CEP95: variants seen among roughly 807,000 people sequenced by gnomAD.
CEP95 encodes the protein centrosomal protein of 95 kDa.
Under a neutral mutation model 111.2 loss-of-function variants are expected in CEP95, and 98 were observed. The observed-to-expected ratio is 0.88, with a 90% CI of 0.75 to 1.04. CEP95 has a LOEUF of 1.04. Among genes scored for constraint, CEP95 ranks in the 50% least tolerant of loss-of-function variants. CEP95 has a pLI of 0.00. For synonymous variants in CEP95, 323 were observed against 327.1 expected, an observed-to-expected ratio of 0.99 and a Z score of 0.14; for missense variants, 1,027 against 977.2, an observed-to-expected ratio of 1.05 and a Z score of -0.68.
intron 16 of CEP95, chr17:64,534,299 G>A: frequency 3.1e-6 from 1 of 322,498 alleles, no homozygotes; most frequent in South Asian, 4.9e-5. Flanking sequence ...TGGCATCTGG[G>A]CCAGCCTTGT....
intron 8 of CEP95, among the ~76,000 whole-genome samples, chr17:64,524,141 G>T (rs1370910127): frequency 6.6e-6 from 1 of 152,164 alleles, no homozygotes; most frequent in Non-Finnish European, 1.5e-5. Context: ...GGGAATCATA[G>T]TGGGGGTTTT....
At chr17:64,532,716 A>G in intron 14 of CEP95, 123 bp from the exon 15 acceptor site, 1 of 1,457,680 alleles carries the variant, frequency 6.9e-7, no homozygotes, top group Non-Finnish European at 9.0e-7. Flanking sequence ...TTATAAGTAC[A>G]TTTAGAATTG....
In CEP95 at chr17:64,507,021, C is replaced by T. The variant is rs1403830613; in HGVS notation, c.-77C>T. The T allele has an allele frequency of 9.8e-6, 15 of 1,525,222 alleles. No individual in the cohort carries two copies. The highest frequency in any genetic ancestry group is 2.4e-5 in the South Asian group (2 of 83,528). 94.5% of individuals were successfully genotyped at this position (1,525,222 alleles called of 1,614,324 possible). ...GTGCGTCCGCGCCCCAGTGTCGGGTCTGCGTGGATCGGTCCTTCCAGGACA... is the reference window on the plus strand; with the variant it reads ...GTGCGTCCGCGCCCCAGTGTCGGGTTTGCGTGGATCGGTCCTTCCAGGACA... On this transcript the variant is annotated 5_prime_UTR_variant, in exon 1 of 20. Coordinates refer to ENST00000556440, the MANE Select transcript of CEP95 (RefSeq NM_138363.3).
intron 2 of CEP95, among the ~76,000 whole-genome samples, 164 bp downstream of exon 2, chr17:64,508,884 A>G (rs1344190986): frequency 1.3e-5 from 2 of 150,866 alleles, no homozygotes; most frequent in Admixed American, 6.6e-5. Flanking sequence ...ATATTAAAAT[A>G]AATATTGTAT....
intron 4 of CEP95, among the ~76,000 whole-genome samples, chr17:64,516,300 G>A (rs1420329606): frequency 1.3e-5 from 2 of 152,096 alleles, no homozygotes; most frequent in African/African-American, 4.8e-5. Flanking sequence ...AAGACTGATG[G>A]TCTTAAGAAA....
chr17:64,534,694 AG>A lies in CEP95; in HGVS notation c.2028del (p.Gln676HisfsTer6). On this transcript the variant is annotated frameshift_variant, in exon 17 of 20. Coordinates refer to ENST00000556440, the MANE Select transcript of CEP95 (RefSeq NM_138363.3). LOFTEE classifies it high-confidence loss of function. ...AAATATTATGATGATTATAGAGTTCAGTTGTGTGCAAAAATGATGAGAATGA... is the reference window on the plus strand; with the variant it reads ...AAATATTATGATGATTATAGAGTTCATTGTGTGCAAAAATGATGAGAATGA... ...ARKYYDDYRV[Q>X]LCAKMMRMRT... 6.2e-7 allele frequency: 1 copy of A among 1,613,168 alleles called. No homozygotes were observed. Among genetic ancestry groups the A allele is most frequent in the Non-Finnish European group, 8.5e-7 (1 of 1,179,464 alleles).
Position 64,507,080 on chromosome 17 carries a change from G to A in CEP95, c.-18G>A, listed in dbSNP as rs1555673152. 6.4e-7 allele frequency: 1 copy of A among 1,550,802 alleles called. No homozygotes were observed. Among genetic ancestry groups the A allele is most frequent in the East Asian group, 2.4e-5 (1 of 40,912 alleles). ...TTCCCGGCCGCGTCGGAGTCCGGCG[G>A]CGACCTGCCTCTGAAACATGGCAGG... On this transcript the variant is annotated 5_prime_UTR_variant, in exon 1 of 20. Coordinates refer to ENST00000556440, the MANE Select transcript of CEP95 (RefSeq NM_138363.3).
chr17:64,519,228 T>A, intron 5 of CEP95, 93 bp from the exon 6 acceptor site: 2 of 753,506 alleles, frequency 2.7e-6, no homozygotes, highest in Admixed American at 4.6e-5. Flanking sequence ...GGGAGAGTCT[T>A]TTCCTTTTTC....
chr17:64,506,820 G>A, upstream of CEP95: 1 of 581,870 alleles, frequency 1.7e-6, no homozygotes, highest in Admixed American at 3.0e-5. Context: ...CGTCCGACCC[G>A]CGTGTCTGAT....
At chr17:64,534,025 G>A (rs9897203) in intron 16 of CEP95, 6,695 of 152,586 alleles carry the variant, frequency 0.044, 205 homozygotes, top group African/African-American at 0.091. Flanking sequence ...TTGCCTGAGT[G>A]TGGAGTAGAG....
intron 8 of CEP95, among the ~76,000 whole-genome samples, chr17:64,524,151 T>G (rs77296676): frequency 0.027 from 4,134 of 152,316 alleles, 75 homozygotes; most frequent in Non-Finnish European, 0.042. Context: ...GTGGGGGTTT[T>G]AGAGATATTT....
intron 11 of CEP95, 130 bp downstream of exon 11, chr17:64,527,394 C>G: frequency 1.6e-6 from 1 of 621,136 alleles, no homozygotes; most frequent in Non-Finnish European, 2.4e-6. Context: ...AAAGTAATAT[C>G]AAACACCTGG....
At chr17:64,536,048 A>C (rs1226624683) in intron 17 of CEP95, 3 of 152,280 alleles carry the variant, frequency 2.0e-5, no homozygotes, top group Non-Finnish European at 4.4e-5. Context: ...GTGACTGCTA[A>C]GGATGGGACA....
intron 4 of CEP95, chr17:64,516,088 A>G (rs2039126339): frequency 6.6e-6 from 1 of 152,198 alleles, no homozygotes; most frequent in Non-Finnish European, 1.5e-5. Context: ...ATGTTATTGA[A>G]ATGTTGCTTG....
In CEP95 at chr17:64,507,078, C is replaced by A. The variant is rs1380434599; in HGVS notation, c.-20C>A. The A allele has an allele frequency of 2.6e-6, 4 of 1,550,634 alleles. No homozygotes were observed. In the Admixed American group the frequency reaches 7.8e-5, roughly 30 times the overall value. ...CCTTCCCGGCCGCGTCGGAGTCCGGCGGCGACCTGCCTCTGAAACATGGCA... is the reference window on the plus strand; with the variant it reads ...CCTTCCCGGCCGCGTCGGAGTCCGGAGGCGACCTGCCTCTGAAACATGGCA... On this transcript the variant is annotated 5_prime_UTR_variant, in exon 1 of 20. Coordinates refer to ENST00000556440, the MANE Select transcript of CEP95 (RefSeq NM_138363.3).
At position 64,537,911 on chromosome 17, in the gene CEP95, T is replaced by G; in HGVS notation, c.*132T>G. 1 of 461,728 alleles carries G rather than the reference T, an allele frequency of 2.2e-6. No homozygotes were observed. Among genetic ancestry groups the G allele is most frequent in the Non-Finnish European group, 3.6e-6 (1 of 280,426 alleles). 28.6% of individuals were successfully genotyped at this position (461,728 alleles called of 1,614,324 possible). On this transcript the variant is annotated 3_prime_UTR_variant, in exon 20 of 20. Transcript: ENST00000556440. ...TTACCTGTATTTTCATTCCAGTACT[T>G]TTTATGATTTTTTAAATAAAAATTG...
At chr17:64,534,889 C>A in intron 17 of CEP95, 152 bp downstream of exon 17, 1 of 797,570 alleles carries the variant, frequency 1.3e-6, no homozygotes, top group Non-Finnish European at 2.1e-6. Flanking sequence ...CTTGGCCACA[C>A]TTCATTTTCT....
At chr17:64,525,637 A>G in intron 8 of CEP95, 133 bp from the exon 9 acceptor site, 2 of 580,258 alleles carry the variant, frequency 3.4e-6, no homozygotes, top group Non-Finnish European at 6.0e-6. Context: ...GGGTCTTTTG[A>G]CAAATGCACT....
intron 4 of CEP95, chr17:64,515,657 G>C (rs536605858): frequency 6.6e-6 from 1 of 152,272 alleles, no homozygotes; most frequent in South Asian, 2.1e-4. Flanking sequence ...GCTCAGATAG[G>C]CTTCCCTATA....
Sources: allele counts gnomAD v4.1 joint callset (sites outside exome capture counted in the v4.1 genomes callset), GRCh38; gene constraint gnomAD v4.1.1; transcripts MANE v1.5; gene names NCBI Gene and HGNC (gene_info 2026-07-23, HGNC 2026-07-21).